The following FBN2 variants were observed in gnomAD, a reference collection of about 807,000 sequenced individuals.
The protein encoded by FBN2 is fibrillin 2, also known as fibrillin-2.
FBN2 carries 105 observed loss-of-function variants against 355.6 expected under a neutral mutation model. That is an observed-to-expected ratio of 0.30 (90% CI 0.25 to 0.35). FBN2 has a LOEUF of 0.35. Among genes scored for constraint, FBN2 ranks in the 10% least tolerant of loss-of-function variants. The pLI, the probability that FBN2 is intolerant of heterozygous loss-of-function variation, is 1.00. For synonymous variants in FBN2, 1,350 were observed against 1,301.2 expected (o/e 1.04, Z -0.81); for missense variants, 3,280 against 3,758.7 (o/e 0.87, Z 3.33).
At chr5:128,407,608 T>G (rs138377011) in intron 8 of FBN2, among the ~76,000 whole-genome samples, 2 of 152,222 alleles carry the variant, frequency 1.3e-5, no homozygotes, top group Non-Finnish European at 2.9e-5. Context: ...TCTACTGTTA[T>G]TTATGATGAC....
Position 128,289,542 on chromosome 5 carries a change from C to T in FBN2, c.6512-290G>A, listed in dbSNP as rs577837333. ...AAGTGGAGGTTGCAGTCAGCTGGAT[C>T]GCACCACTGCATTCCAGCGGGCAAC... On this transcript the variant is annotated intron_variant, in intron 51 of 64. Transcript: ENST00000262464. 1.5e-4 allele frequency among the ~76,000 whole-genome samples: 23 copies of T among 152,054 alleles called. No individual in the cohort carries two copies. In the East Asian group the frequency reaches 2.7e-3, roughly 18 times the overall value.
intron 16 of FBN2, among the ~76,000 whole-genome samples, chr5:128,368,457 CAT>C (rs1289727706): frequency 1.5e-4 from 11 of 75,806 alleles, no homozygotes; most frequent in African/African-American, 8.6e-4. Flanking sequence ...TATATATACA[CAT>C]ATATATACAT....
intron 5 of FBN2, among the ~76,000 whole-genome samples, chr5:128,471,822 C>T (rs1056401243): frequency 2.0e-5 from 3 of 152,048 alleles, no homozygotes; most frequent in Admixed American, 2.0e-4. Context: ...AGTATTTATA[C>T]ATGTAGTTTT....
intron 9 of FBN2, 55 bp downstream of exon 9, chr5:128,395,067 C>G: frequency 1.3e-6 from 2 of 1,596,962 alleles, no homozygotes; most frequent in South Asian, 2.2e-5. Flanking sequence ...TACAGTACTG[C>G]TACTAATTTT....
At chr5:128,271,297 T>C (rs1765261264) in intron 62 of FBN2, among the ~76,000 whole-genome samples, 1 of 152,174 alleles carries the variant, frequency 6.6e-6, no homozygotes, top group African/African-American at 2.4e-5. Context: ...CAAAATGTGT[T>C]GGTTGGAGTG....
intron 16 of FBN2, among the ~76,000 whole-genome samples, chr5:128,368,649 T>TAAC (rs953820725): frequency 2.0e-5 from 3 of 151,728 alleles, no homozygotes; most frequent in African/African-American, 7.3e-5. Context: ...ATAATAATCA[T>TAAC]AACTGTATAA....
At chr5:128,370,392 T>C (rs1751900790) in intron 15 of FBN2, among the ~76,000 whole-genome samples, 1 of 152,154 alleles carries the variant, frequency 6.6e-6, no homozygotes, top group South Asian at 2.1e-4. Flanking sequence ...AATAATTTCT[T>C]ATGACCTGGG....
At chr5:128,536,608 T>C in intron 1 of FBN2, 124 bp from the exon 2 acceptor site, 1 of 744,152 alleles carries the variant, frequency 1.3e-6, no homozygotes, top group Non-Finnish European at 2.4e-6. Context: ...AAAATTACAC[T>C]TCAAATTATT....
intron 64 of FBN2, among the ~76,000 whole-genome samples, chr5:128,261,357 A>T (rs1764959495): frequency 6.6e-6 from 1 of 152,244 alleles, no homozygotes; most frequent in Admixed American, 6.5e-5. Context: ...TGGTTTCCCT[A>T]GTGAAAATTA....
intron 5 of FBN2, among the ~76,000 whole-genome samples, chr5:128,481,191 A>T (rs368353623): frequency 2.0e-5 from 3 of 148,804 alleles, no homozygotes; most frequent in Non-Finnish European, 4.5e-5. Flanking sequence ...AAAAAAAAAA[A>T]TCCCTTTTTA....
chr5:128,275,661 C>T (rs1011099683), intron 59 of FBN2, among the ~76,000 whole-genome samples: 23 of 152,042 alleles, frequency 1.5e-4, no homozygotes, highest in Non-Finnish European at 5.9e-5. Context: ...TTTACCTATC[C>T]ATTTTCACTT....
At chr5:128,351,858 G>A (rs1383349758) in intron 20 of FBN2, among the ~76,000 whole-genome samples, 3 of 149,428 alleles carry the variant, frequency 2.0e-5, no homozygotes, top group Non-Finnish European at 3.0e-5. Flanking sequence ...GAGCCAGTGC[G>A]CCCCGCCCTT....
rs976599275 is a variant in FBN2 at position 128,537,599 on chromosome 5, C to G, written c.5G>C (p.Gly2Ala). 6.2e-7 allele frequency: 1 copy of G among 1,607,408 alleles called. No homozygotes were observed. The highest frequency in any genetic ancestry group is 1.3e-5 in the African/African-American group (1 of 74,960). Residue 2 changes from glycine (G) to alanine (A), a missense_variant, in exon 1 of 65, where the codon GGG becomes GCG. By Grantham distance (60) the Gly-to-Ala change is moderately conservative. Coordinates refer to ENST00000262464, the MANE Select transcript of FBN2 (RefSeq NM_001999.4). M[G>A]RRRRLCLQLY... Reference sequence around the variant, plus strand: ...CTGGAGACACAGCCTCCGTCTTCTCCCCATCGCCGGCGCCGAAAGCGCGCG... The same window carrying G: ...CTGGAGACACAGCCTCCGTCTTCTCGCCATCGCCGGCGCCGAAAGCGCGCG...
chr5:128,288,012 G>A (rs535090217), intron 53 of FBN2, among the ~76,000 whole-genome samples: 2 of 152,336 alleles, frequency 1.3e-5, no homozygotes, highest in Non-Finnish European at 2.9e-5. Context: ...TCTGAGGCCT[G>A]AGGGTCTGCT....
At chr5:128,519,017 G>A (rs1286106258) in intron 5 of FBN2, among the ~76,000 whole-genome samples, 4 of 152,046 alleles carry the variant, frequency 2.6e-5, no homozygotes, top group Non-Finnish European at 4.4e-5. Context: ...TTTGCCATCA[G>A]TCACTCACTC....
intron 7 of FBN2, among the ~76,000 whole-genome samples, chr5:128,435,644 C>A (rs958084147): frequency 6.6e-6 from 1 of 152,110 alleles, no homozygotes; most frequent in Non-Finnish European, 1.5e-5. Flanking sequence ...CCCAAATGTT[C>A]TCTTCCCTCC....
intron 11 of FBN2, 102 bp downstream of exon 11, chr5:128,391,916 A>G (rs1752521813): frequency 9.2e-7 from 1 of 1,086,072 alleles, no homozygotes; most frequent in Non-Finnish European, 1.4e-6. Context: ...AATTAGCTGT[A>G]TTTCAAAAGA....
intron 8 of FBN2, among the ~76,000 whole-genome samples, chr5:128,407,589 T>C (rs1752959395): frequency 6.6e-6 from 1 of 152,206 alleles, no homozygotes; most frequent in Non-Finnish European, 1.5e-5. Flanking sequence ...TTACTGCTAT[T>C]AGTAGGCTTC....
chr5:128,443,521 T>C (rs576112945), intron 7 of FBN2, among the ~76,000 whole-genome samples: 234 of 152,308 alleles, frequency 1.5e-3, no homozygotes, highest in African/African-American at 5.4e-3. Flanking sequence ...TGGAGTGAGA[T>C]AGTTAACAAA....
Sources: gnomAD v4.1 joint callset for allele counts (sites outside exome capture counted in the v4.1 genomes callset) on GRCh38, gnomAD v4.1.1 for gene constraint, MANE v1.5 for transcripts, NCBI Gene and HGNC (gene_info 2026-07-23, HGNC 2026-07-21) for gene names.